The following SENP5 variants were observed in gnomAD, a reference collection of about 807,000 sequenced individuals.
The protein encoded by SENP5 is SUMO specific peptidase 5.
Under a neutral mutation model 74.2 loss-of-function variants are expected in SENP5, and 21 were observed. That is an observed-to-expected ratio of 0.28 (90% confidence interval 0.20 to 0.41). The LOEUF (loss-of-function observed/expected upper bound fraction) is 0.41. Among genes scored for constraint, SENP5 ranks in the 10% least tolerant of loss-of-function variants. SENP5 has a pLI of 1.00. For synonymous variants in SENP5, 311 were observed against 312.7 expected (o/e 0.99, Z 0.06); for missense variants, 717 against 889.1 (o/e 0.81, Z 2.46).
intron 6 of SENP5, among the ~76,000 whole-genome samples, chr3:196,918,331 A>G (rs545635839): frequency 9.3e-5 from 14 of 151,224 alleles, no homozygotes; most frequent in Admixed American, 7.9e-4. Context: ...AGAAACAACA[A>G]AAAGTCAAAG....
chr3:196,930,696 A>G, intron 9 of SENP5, 117 bp from the exon 10 acceptor site: 1 of 684,352 alleles, frequency 1.5e-6, no homozygotes, highest in Non-Finnish European at 2.6e-6. Flanking sequence ...CCCTGGTGCC[A>G]AAAAGGTTGG....
In SENP5 at chr3:196,885,992, G is replaced by A; in HGVS notation, c.811G>A (p.Val271Ile). The A allele has an allele frequency of 2.5e-6, 4 of 1,614,226 alleles. No individual in the cohort carries two copies. The highest frequency in any genetic ancestry group is 3.4e-6 in the Non-Finnish European group (4 of 1,180,032). ...AGCCCAGCGAAGCTGGGTACAGAAA[G>A]TCACTGGGGACCATCAAGAGACCCG... is the stretch of plus-strand genomic sequence containing the variant. ...RKAQRSWVQK[V>I]TGDHQETRRE... is the part of the protein sequence containing the mutation. The change falls in exon 2 of 10, where the codon GTC (valine) becomes ATC (isoleucine). Residue 271 changes from valine (V) to isoleucine (I), a missense_variant. By Grantham distance (29) the Val-to-Ile change is conservative (BLOSUM62 3). Transcript: ENST00000323460.
In SENP5 at chr3:196,909,510, C is replaced by T. The variant is rs560143795; in HGVS notation, c.1884+5900C>T. ...GATGAACATCGGTGCGAAAAATTCT[C>T]AATAAAATGCTGGCAAACCAAATCC... On this transcript the variant is annotated intron_variant, in intron 6 of 9. Coordinates refer to ENST00000323460, the MANE Select transcript of SENP5 (RefSeq NM_152699.5). 1.3e-4 allele frequency among the ~76,000 whole-genome samples: 20 copies of T among 152,262 alleles called. No individual in the cohort carries two copies. The East Asian group carries it at 3.9e-3, about 29-fold the overall frequency.
Position 196,931,080 on chromosome 3 carries a change from T to C in SENP5, c.*157T>C, listed in dbSNP as rs944688702. On this transcript the variant is annotated 3_prime_UTR_variant, in exon 10 of 10. Transcript: ENST00000323460. The stretch of plus-strand genomic sequence containing the variant: ...TTTATTTTTTGCCCTTATTCATTTC[T>C]CCAGCTACCATGTACTATTGTTTAA... 9 of 606,936 alleles carry C rather than the reference T, an allele frequency of 1.5e-5. No individual in the cohort carries two copies. The African/African-American group carries it at 1.7e-4, about 11-fold the overall frequency. The allele number at this position is 606,936 out of a possible 1,614,324, so 37.6% of individuals were successfully genotyped here.
intron 6 of SENP5, among the ~76,000 whole-genome samples, chr3:196,909,367 A>G (rs928074166): frequency 6.6e-6 from 1 of 152,230 alleles, no homozygotes; most frequent in Non-Finnish European, 1.5e-5. Context: ...TTCTGAAACT[A>G]TTTCATAACA....
intron 1 of SENP5, among the ~76,000 whole-genome samples, chr3:196,871,084 C>A (rs1447125594): frequency 6.6e-6 from 1 of 151,800 alleles, no homozygotes; most frequent in African/African-American, 2.4e-5. Flanking sequence ...GCAGGAGAAT[C>A]GTTTGAACCC....
chr3:196,887,758 ATCTG>A (rs1005320721), intron 2 of SENP5, among the ~76,000 whole-genome samples: 5 of 151,908 alleles, frequency 3.3e-5, no homozygotes, highest in Non-Finnish European at 5.9e-5. Flanking sequence ...AGTAAAACTT[ATCTG>A]TCTTTTTTTA....
At chr3:196,916,922 C>A (rs1239267639) in intron 6 of SENP5, among the ~76,000 whole-genome samples, 1 of 151,948 alleles carries the variant, frequency 6.6e-6, no homozygotes, top group Admixed American at 6.6e-5. Flanking sequence ...TCACTTGAGG[C>A]AAGGAGTTTG....
intron 6 of SENP5, among the ~76,000 whole-genome samples, chr3:196,918,977 G>GCATC (rs1491534067): frequency 1.3e-5 from 2 of 151,624 alleles, no homozygotes; most frequent in Non-Finnish European, 2.9e-5. Flanking sequence ...ATGTATGTGT[G>GCATC]TATCTATCTA....
chr3:196,892,921 T>G (rs1714274937), intron 2 of SENP5, among the ~76,000 whole-genome samples: 1 of 152,234 alleles, frequency 6.6e-6, no homozygotes, highest in Non-Finnish European at 1.5e-5. Flanking sequence ...ATACTACATT[T>G]TCTTTCTCCA....
intron 2 of SENP5, among the ~76,000 whole-genome samples, chr3:196,891,099 A>C (rs1714180922): frequency 6.6e-6 from 1 of 152,246 alleles, no homozygotes; most frequent in Non-Finnish European, 1.5e-5. Context: ...ATATCTATAC[A>C]ATGGAATATT....
Position 196,886,245 on chromosome 3 carries a change from C to T in SENP5, c.1064C>T (p.Ala355Val). The T allele has an allele frequency of 6.2e-7, 1 of 1,614,136 alleles. No individual in the cohort carries two copies. The highest frequency in any genetic ancestry group is 8.5e-7 in the Non-Finnish European group (1 of 1,180,020). ...CAACAGAATGGCAGTGCCACAAACG[C>T]CTGGGACCAGTCATCCTGTTCTTCT... is the stretch of plus-strand genomic sequence containing the variant. Reference protein sequence around the residue: ...PDQQNGSATNAWDQSSCSSPK... With the variant: ...PDQQNGSATNVWDQSSCSSPK... The change falls in exon 2 of 10, where the codon GCC becomes GTC. Residue 355 changes from alanine to valine, a missense_variant. Coordinates refer to ENST00000323460, the MANE Select transcript of SENP5 (RefSeq NM_152699.5).
intron 2 of SENP5, among the ~76,000 whole-genome samples, chr3:196,895,403 G>T (rs986900386): frequency 2.6e-5 from 4 of 151,690 alleles, no homozygotes; most frequent in Admixed American, 2.6e-4. Flanking sequence ...AGCCAGGATG[G>T]TCTCGATCTC....
At chr3:196,899,463 T>C (rs1490946687) in intron 2 of SENP5, among the ~76,000 whole-genome samples, 2 of 152,222 alleles carry the variant, frequency 1.3e-5, no homozygotes, top group Non-Finnish European at 2.9e-5. Context: ...AGTATGTCTC[T>C]CTAGATTGCA....
chr3:196,920,647 C>A (rs753343905), intron 6 of SENP5, among the ~76,000 whole-genome samples: 2 of 152,196 alleles, frequency 1.3e-5, no homozygotes, highest in Non-Finnish European at 2.9e-5. Flanking sequence ...ATGGTGTCAG[C>A]TGTAGGCTTT....
intron 8 of SENP5, 83 bp from the exon 9 acceptor site, chr3:196,929,550 C>T (rs1031515387): frequency 2.8e-5 from 23 of 823,392 alleles, no homozygotes; most frequent in Middle Eastern, 2.4e-4. Context: ...CTATCTTTTG[C>T]GCATTTTTCC....
At chr3:196,879,892 A>G (rs1713646138) in intron 1 of SENP5, among the ~76,000 whole-genome samples, 1 of 152,164 alleles carries the variant, frequency 6.6e-6, no homozygotes, top group South Asian at 2.1e-4. Flanking sequence ...AAATTGCAAA[A>G]TATTACAGTT....
At chr3:196,884,001 CAT>C (rs1470186203) in intron 1 of SENP5, among the ~76,000 whole-genome samples, 1 of 152,162 alleles carries the variant, frequency 6.6e-6, no homozygotes, top group Non-Finnish European at 1.5e-5. Flanking sequence ...CCTGTGTTCT[CAT>C]GTGTAAAATG....
chr3:196,877,493 G>A (rs1404851153), intron 1 of SENP5, among the ~76,000 whole-genome samples: 4 of 152,142 alleles, frequency 2.6e-5, no homozygotes, highest in South Asian at 4.1e-4. Flanking sequence ...CCACTATCTC[G>A]CTATTTTAAA....
Sources: allele counts gnomAD v4.1 joint callset (sites outside exome capture counted in the v4.1 genomes callset), GRCh38; gene constraint gnomAD v4.1.1; transcripts MANE v1.5; gene names NCBI Gene and HGNC (gene_info 2026-07-23, HGNC 2026-07-21).